Variants in DOCK4 observed in about 807,000 individuals in gnomAD.
DOCK4 encodes dedicator of cytokinesis 4, also known as dedicator of cytokinesis protein 4.
Under a neutral mutation model 268.1 loss-of-function variants are expected in DOCK4, and 97 were observed. The ratio of observed to expected loss-of-function variants is 0.36; its 90% CI spans 0.31 to 0.43. DOCK4 has a LOEUF of 0.43. Ranked by LOEUF, DOCK4 falls within the 20% of genes least tolerant of loss-of-function variation. The probability of loss-of-function intolerance (pLI) is 1.00; values close to 1 mark genes in which losing one functional copy is unlikely to be tolerated. For synonymous variants in DOCK4, 954 were observed against 887.2 expected (o/e 1.08, Z -1.34); for missense variants, 2,145 against 2,455.7 (o/e 0.87, Z 2.67).
chr7:111,767,176 C>T, intron 37 of DOCK4, 58 bp from the exon 38 acceptor site: 1 of 1,463,208 alleles, frequency 6.8e-7, no homozygotes, highest in Non-Finnish European at 9.5e-7. Flanking sequence ...TTACTTCTAC[C>T]CAAAAGTCAG....
intron 1 of DOCK4, among the ~76,000 whole-genome samples, chr7:112,086,466 G>A (rs778707919): frequency 6.6e-5 from 10 of 152,126 alleles, no homozygotes; most frequent in Admixed American, 1.3e-4. Context: ...AATCAGAACC[G>A]AGAGCACCAA....
At chr7:112,132,980 T>C (rs556748328) in intron 1 of DOCK4, among the ~76,000 whole-genome samples, 1 of 152,302 alleles carries the variant, frequency 6.6e-6, no homozygotes, top group African/African-American at 2.4e-5. Context: ...ATCCAGAGAC[T>C]GGTATTCAGG....
intron 1 of DOCK4, among the ~76,000 whole-genome samples, chr7:112,127,560 T>C (rs1241759981): frequency 8.1e-6 from 1 of 122,744 alleles, no homozygotes; most frequent in Admixed American, 9.0e-5. Flanking sequence ...TAAAGTATAA[T>C]AATAATAAAA....
chr7:112,166,742 T>G (rs1280122483), intron 1 of DOCK4, among the ~76,000 whole-genome samples: 1 of 152,208 alleles, frequency 6.6e-6, no homozygotes, highest in East Asian at 1.9e-4. Context: ...GTGGCATCAC[T>G]GAAAAACTGT....
intron 1 of DOCK4, among the ~76,000 whole-genome samples, chr7:112,028,138 A>G (rs1281545268): frequency 1.3e-5 from 2 of 152,246 alleles, no homozygotes; most frequent in Non-Finnish European, 2.9e-5. Flanking sequence ...GTAGCTAAGT[A>G]TCACTAGAGC....
In DOCK4 at chr7:111,760,221, G is replaced by A. The variant is rs1267827425; in HGVS notation, c.4122C>T (p.Ala1374=). ...GGAAGATGGTCTCATCGGGCTGGTT[G>A]GCGTGCTGCATGGCGATGGCATGGG... ...EFPHAIAMQH[A]NQPDETIFQA... is the part of the protein sequence containing the mutation. The change falls in exon 40 of 53, where the codon GCC becomes GCT. Residue 1374 remains alanine (A), a synonymous_variant. Transcript: ENST00000428084. 3 of 1,613,862 alleles carry A rather than the reference G, an allele frequency of 1.9e-6. No homozygotes were observed. The highest frequency in any genetic ancestry group is 2.5e-6 in the Non-Finnish European group (3 of 1,179,912).
chr7:112,021,675 CAG>C (rs1424435375), intron 1 of DOCK4, among the ~76,000 whole-genome samples: 1 of 152,238 alleles, frequency 6.6e-6, no homozygotes, highest in Non-Finnish European at 1.5e-5. Context: ...CATCTTTCAA[CAG>C]CTTCCTTCAA....
chr7:112,162,896 A>C (rs1311520908), intron 1 of DOCK4, among the ~76,000 whole-genome samples: 1 of 152,166 alleles, frequency 6.6e-6, no homozygotes, highest in East Asian at 1.9e-4. Context: ...TTATCCAAGG[A>C]CACTTGACTT....
chr7:112,088,654 AG>A (rs998292660), intron 1 of DOCK4, among the ~76,000 whole-genome samples: 2 of 152,158 alleles, frequency 1.3e-5, no homozygotes, highest in Admixed American at 6.6e-5. Context: ...CCCCTTGGCA[AG>A]TTTCCACTCA....
intron 3 of DOCK4, among the ~76,000 whole-genome samples, chr7:111,999,387 A>G (rs1800236363): frequency 6.6e-6 from 1 of 152,096 alleles, no homozygotes; most frequent in South Asian, 2.1e-4. Flanking sequence ...TGTTTTCTTC[A>G]ATATGGTAGG....
chr7:112,029,740 T>A (rs969476452), intron 1 of DOCK4, among the ~76,000 whole-genome samples: 3 of 152,238 alleles, frequency 2.0e-5, no homozygotes, highest in Non-Finnish European at 4.4e-5. Flanking sequence ...TGTTTGCATG[T>A]GTCCACAGAA....
intron 1 of DOCK4, among the ~76,000 whole-genome samples, chr7:112,098,219 C>A (rs924226073): frequency 3.3e-5 from 5 of 152,044 alleles, no homozygotes; most frequent in Non-Finnish European, 5.9e-5. Flanking sequence ...CACTCTGTTG[C>A]CCAGGCTGGA....
intron 10 of DOCK4, among the ~76,000 whole-genome samples, chr7:111,941,934 T>C (rs1229268485): frequency 4.6e-5 from 7 of 152,222 alleles, no homozygotes; most frequent in African/African-American, 1.7e-4. Context: ...AACCTCCACC[T>C]GACTCATGTC....
At chr7:112,146,751 A>G (rs550641893) in intron 1 of DOCK4, among the ~76,000 whole-genome samples, 1 of 152,280 alleles carries the variant, frequency 6.6e-6, no homozygotes, top group South Asian at 2.1e-4. Context: ...ACTTTGGCAG[A>G]GGAAGAACAT....
intron 1 of DOCK4, among the ~76,000 whole-genome samples, chr7:112,202,412 G>T (rs1024572354): frequency 2.6e-5 from 4 of 152,126 alleles, no homozygotes; most frequent in African/African-American, 9.7e-5. Context: ...CCACAGAATG[G>T]AGATACAATA....
chr7:111,749,150 C>T (rs1796470874), intron 42 of DOCK4, among the ~76,000 whole-genome samples: 5 of 152,154 alleles, frequency 3.3e-5, no homozygotes. Flanking sequence ...CTGCAGGATA[C>T]TGCTGGCAAT....
intron 12 of DOCK4, among the ~76,000 whole-genome samples, chr7:111,933,502 T>A (rs368591179): frequency 2.0e-5 from 3 of 151,536 alleles, no homozygotes; most frequent in East Asian, 1.9e-4. Context: ...TCACCATGTT[T>A]GCCAGGATGG....
At chr7:112,060,335 A>C (rs1020519404) in intron 1 of DOCK4, among the ~76,000 whole-genome samples, 4 of 152,190 alleles carry the variant, frequency 2.6e-5, no homozygotes, top group African/African-American at 9.7e-5. Flanking sequence ...GTTGGTGAGG[A>C]TATGGAGAAA....
At chr7:112,008,831 TA>T (rs1801062998) in intron 1 of DOCK4, among the ~76,000 whole-genome samples, 1 of 152,116 alleles carries the variant, frequency 6.6e-6, no homozygotes, top group Non-Finnish European at 1.5e-5. Flanking sequence ...CCGTCTCTAC[TA>T]AAAATACAAA....
Sources: allele counts gnomAD v4.1 joint callset (sites outside exome capture counted in the v4.1 genomes callset), GRCh38; gene constraint gnomAD v4.1.1; transcripts MANE v1.5; gene names NCBI Gene and HGNC (gene_info 2026-07-23, HGNC 2026-07-21).